Variants in EFHD1 observed in about 807,000 individuals in gnomAD.
The protein encoded by EFHD1 is EF-hand domain family member D1, also known as EF-hand domain-containing protein D1.
In EFHD1, 10 loss-of-function variants were observed where a neutral mutation model predicts 17.2. The observed-to-expected ratio is 0.58, with a 90% confidence interval of 0.36 to 0.99. EFHD1 has a LOEUF of 0.99. Ranked by LOEUF, EFHD1 falls within the 50% of genes least tolerant of loss-of-function variation. The pLI is 0.01. For missense variants in EFHD1, 310 were observed against 327.5 expected (o/e 0.95, Z 0.41); for synonymous variants, 153 against 142.0 (o/e 1.08, Z -0.55).
intron 1 of EFHD1, among the ~76,000 whole-genome samples, chr2:232,622,278 G>A (rs1322150253): frequency 6.6e-6 from 1 of 152,136 alleles, no homozygotes; most frequent in Non-Finnish European, 1.5e-5. Flanking sequence ...GACCAGCCTG[G>A]CCAACATGGT....
intron 1 of EFHD1, among the ~76,000 whole-genome samples, chr2:232,654,799 C>G (rs1234327506): frequency 6.6e-6 from 1 of 152,196 alleles, no homozygotes; most frequent in African/African-American, 2.4e-5. Flanking sequence ...GACAGCCCCT[C>G]TGTGTCTGCG....
chr2:232,642,881 G>T (rs1694458628), intron 1 of EFHD1, among the ~76,000 whole-genome samples: 1 of 152,152 alleles, frequency 6.6e-6, no homozygotes, highest in African/African-American at 2.4e-5. Flanking sequence ...TGTTCTGCCT[G>T]TATTACTTGG....
chr2:232,664,487 CAG>C (rs962825971), intron 2 of EFHD1, among the ~76,000 whole-genome samples: 2 of 151,022 alleles, frequency 1.3e-5, no homozygotes, highest in African/African-American at 4.9e-5. Flanking sequence ...TTTATAGAAA[CAG>C]GGACTCACTT....
Position 232,633,689 on chromosome 2 carries a change from C to T in EFHD1, c.-16C>T, listed in dbSNP as rs66590980. On this transcript the variant is annotated 5_prime_UTR_variant, in exon 1 of 4. Coordinates refer to ENST00000264059, the MANE Select transcript of EFHD1 (RefSeq NM_025202.4). ...GTCCCGCGTCCCCGCGTTCCCGCGT[C>T]CTGCGATCCGCCGCCATGGCCAGTG... The T allele has an allele frequency of 0.07, 98,717 of 1,418,824 alleles. 4,528 individuals carry two copies. The highest frequency in any genetic ancestry group is 0.23 in the African/African-American group (15,197 of 66,378). 87.9% of individuals were successfully genotyped at this position (1,418,824 alleles called of 1,614,324 possible).
At position 232,643,551 on chromosome 2, in the gene EFHD1, A is replaced by AT. The variant is rs1207741246; in HGVS notation, c.302+9559dup. Among the ~76,000 whole-genome samples, 1,087 of 140,182 alleles carry AT rather than the reference A, an allele frequency of 7.8e-3. 9 individuals carry two copies. Among genetic ancestry groups the AT allele is most frequent in the Middle Eastern group, 0.016 (4 of 254 alleles). 92.0% of individuals were successfully genotyped at this position (140,182 alleles called of 152,430 possible). ...GTCCCCGCACCCCAACACCTGGCTAATTTTTTTTTTTTTTAGTAGAGACGG... is the reference window on the plus strand; with the variant it reads ...GTCCCCGCACCCCAACACCTGGCTAATTTTTTTTTTTTTTTAGTAGAGACGG... On this transcript the variant is annotated intron_variant, in intron 1 of 3. Coordinates refer to ENST00000264059, the MANE Select transcript of EFHD1 (RefSeq NM_025202.4).
intron 1 of EFHD1, among the ~76,000 whole-genome samples, chr2:232,613,659 A>AAT (rs1693851414): frequency 2.5e-5 from 3 of 118,784 alleles, no homozygotes; most frequent in African/African-American, 7.7e-5. Context: ...CACACACACA[A>AAT]ATACACACAC....
chr2:232,664,246 C>G (rs1268280405), intron 2 of EFHD1, among the ~76,000 whole-genome samples: 1 of 152,056 alleles, frequency 6.6e-6, no homozygotes, highest in East Asian at 1.9e-4. Context: ...TCAACCCATC[C>G]TCCCACTTCA....
At chr2:232,650,022 A>G (rs1425520376) in intron 1 of EFHD1, 1 of 152,270 alleles carries the variant, frequency 6.6e-6, no homozygotes, top group African/African-American at 2.4e-5. Context: ...CAGGCTGCCT[A>G]AAGAGGGGTG....
intron 1 of EFHD1, among the ~76,000 whole-genome samples, chr2:232,621,013 G>A (rs1694008748): frequency 6.6e-6 from 1 of 152,278 alleles, no homozygotes; most frequent in East Asian, 1.9e-4. Flanking sequence ...AGGGGAGGAA[G>A]AGCTGAGCCA....
intron 1 of EFHD1, among the ~76,000 whole-genome samples, chr2:232,614,104 T>C (rs940572791): frequency 1.2e-5 from 1 of 86,448 alleles, no homozygotes; most frequent in East Asian, 3.8e-4. Context: ...CATACACATG[T>C]ATTATACACA....
chr2:232,672,714 A>T (rs1035478366), intron 3 of EFHD1, among the ~76,000 whole-genome samples: 1 of 152,214 alleles, frequency 6.6e-6, no homozygotes, highest in Non-Finnish European at 1.5e-5. Context: ...TGATTAAATG[A>T]GTTCATGTAC....
chr2:232,632,091 T>C (rs1694212363), upstream of EFHD1, among the ~76,000 whole-genome samples: 1 of 152,026 alleles, frequency 6.6e-6, no homozygotes, highest in African/African-American at 2.4e-5. Flanking sequence ...ATGTGTCACA[T>C]AAAGTGGTCA....
Position 232,681,765 on chromosome 2 carries a change from C to G in EFHD1, c.*46C>G. The G allele has an allele frequency of 6.3e-7, 1 of 1,593,946 alleles. No individual in the cohort carries two copies. The highest frequency in any genetic ancestry group is 8.5e-7 in the Non-Finnish European group (1 of 1,170,198). ...GCCCACAGCTGTGCCTCACAGATGCCCCGAGAAGAGATGACTAGGCATCTT... is the reference window on the plus strand; with the variant it reads ...GCCCACAGCTGTGCCTCACAGATGCGCCGAGAAGAGATGACTAGGCATCTT... On this transcript the variant is annotated 3_prime_UTR_variant, in exon 4 of 4. Coordinates refer to ENST00000264059, the MANE Select transcript of EFHD1 (RefSeq NM_025202.4).
At chr2:232,651,440 G>A (rs1694652481) in intron 1 of EFHD1, among the ~76,000 whole-genome samples, 1 of 152,148 alleles carries the variant, frequency 6.6e-6, no homozygotes, top group African/African-American at 2.4e-5. Flanking sequence ...TTTGCAGGTA[G>A]CCTTGTCTTA....
intron 1 of EFHD1, among the ~76,000 whole-genome samples, chr2:232,652,723 C>A (rs1185917202): frequency 6.6e-6 from 1 of 152,054 alleles, no homozygotes; most frequent in African/African-American, 2.4e-5. Flanking sequence ...ATGTTTGGAA[C>A]CCTGCTGTGT....
intron 1 of EFHD1, among the ~76,000 whole-genome samples, chr2:232,651,658 C>G (rs1382474712): frequency 6.6e-6 from 1 of 152,122 alleles, no homozygotes; most frequent in Non-Finnish European, 1.5e-5. Flanking sequence ...AAATACCTAA[C>G]TCCAATACAA....
intron 1 of EFHD1, among the ~76,000 whole-genome samples, chr2:232,634,601 C>T (rs1694280865): frequency 6.6e-6 from 1 of 152,144 alleles, no homozygotes; most frequent in African/African-American, 2.4e-5. Flanking sequence ...TTGTGGGAAC[C>T]GAACTTGGCC....
chr2:232,629,191 T>C (rs1694158803), upstream of EFHD1, among the ~76,000 whole-genome samples: 1 of 152,240 alleles, frequency 6.6e-6, no homozygotes, highest in Admixed American at 6.5e-5. Context: ...TTGAAGCCGC[T>C]ACCTTCAGGG....
chr2:232,664,072 G>A (rs184077135), intron 2 of EFHD1, among the ~76,000 whole-genome samples: 21 of 151,076 alleles, frequency 1.4e-4, no homozygotes, highest in South Asian at 1.1e-3. Context: ...GATTACAGTC[G>A]TGAGCCACCT....
Sources: allele counts gnomAD v4.1 joint callset (sites outside exome capture counted in the v4.1 genomes callset), GRCh38; gene constraint gnomAD v4.1.1; transcripts MANE v1.5; gene names NCBI Gene and HGNC (gene_info 2026-07-23, HGNC 2026-07-21).